The following OPRM1 variants were observed in gnomAD, a reference collection of about 807,000 sequenced individuals.
The protein encoded by OPRM1 is opioid receptor mu 1.
A neutral mutation model predicts 31.8 loss-of-function variants in OPRM1; 27 were observed. The ratio of observed to expected loss-of-function variants is 0.85; its 90% CI spans 0.63 to 1.17. The LOEUF (loss-of-function observed/expected upper bound fraction) is 1.17. Among genes scored for constraint, OPRM1 ranks in the 50% most tolerant of loss-of-function variants. The pLI is 0.00. For missense variants in OPRM1, 536 were observed against 511.1 expected (o/e 1.05, Z -0.47); for synonymous variants, 196 against 189.9 (o/e 1.03, Z -0.26).
intron 3 of OPRM1, among the ~76,000 whole-genome samples, chr6:154,218,786 C>G (rs1342188443): frequency 2.6e-5 from 4 of 152,050 alleles, no homozygotes; most frequent in Non-Finnish European, 5.9e-5. Flanking sequence ...GACCATTTAG[C>G]CGGATGGACA....
chr6:154,091,899 G>A lies in OPRM1; in HGVS notation c.1164+427G>A, dbSNP rs1017227710. 2.0e-5 allele frequency: 20 copies of A among 989,718 alleles called. No individual in the cohort carries two copies. The highest frequency in any genetic ancestry group is 2.2e-5 in the Non-Finnish European group (18 of 833,228). 61.3% of individuals were successfully genotyped at this position (989,718 alleles called of 1,614,324 possible). On this transcript the variant is annotated intron_variant, in intron 3 of 3. Transcript: ENST00000330432. ...CTGGTTCTGTGATTAAAGAGAGAGG[G>A]TGAGTGCCTTGCCCACTGTGGTCAT...
At chr6:154,219,613 A>G (rs1778691678) in intron 3 of OPRM1, among the ~76,000 whole-genome samples, 1 of 152,102 alleles carries the variant, frequency 6.6e-6, no homozygotes, top group Admixed American at 6.5e-5. Context: ...TTTGCTAACC[A>G]ACAGGATTTA....
chr6:154,086,403 T>A (rs188150554), intron 1 of OPRM1: 15 of 216,852 alleles, frequency 6.9e-5, no homozygotes, highest in Non-Finnish European at 1.2e-4. Flanking sequence ...GTTGAAAGAA[T>A]TTTTATAGAT....
At chr6:154,200,120 C>G (rs1776943190) in intron 3 of OPRM1, 21 of 1,285,630 alleles carry the variant, frequency 1.6e-5, no homozygotes, top group Middle Eastern at 2.4e-4. Flanking sequence ...TATTTTCAAT[C>G]ACGGTGTCCC....
At position 154,121,171 on chromosome 6, in the gene OPRM1, T is replaced by A. The variant is rs1332239715; in HGVS notation, c.*2450T>A. On this transcript the variant is annotated 3_prime_UTR_variant, in exon 4 of 4. Coordinates refer to ENST00000330432, the MANE Select transcript of OPRM1 (RefSeq NM_000914.5). Reference sequence around the variant, plus strand: ...TTCACCCTTGCCTAAGGATGAGATTTCTTCCCAGGTTGGTATCCCAGAAAT... The same window carrying A: ...TTCACCCTTGCCTAAGGATGAGATTACTTCCCAGGTTGGTATCCCAGAAAT... Among the ~76,000 whole-genome samples, 2 of 152,210 alleles carry A rather than the reference T, an allele frequency of 1.3e-5. No homozygotes were observed. The highest frequency in any genetic ancestry group is 6.5e-5 in the Admixed American group (1 of 15,282).
At chr6:154,057,788 T>C (rs1051335308) in intron 1 of OPRM1, among the ~76,000 whole-genome samples, 3 of 152,136 alleles carry the variant, frequency 2.0e-5, no homozygotes, top group Non-Finnish European at 4.4e-5. Flanking sequence ...CATTTGTTAC[T>C]CTCACTGTAA....
At chr6:154,154,759 C>T (rs1798644709) in intron 3 of OPRM1, 1 of 152,434 alleles carries the variant, frequency 6.6e-6, no homozygotes, top group African/African-American at 2.4e-5. Context: ...AAGTCAACCT[C>T]AAAAACATAA....
At chr6:154,199,957 T>C in intron 3 of OPRM1, 1 of 1,614,206 alleles carries the variant, frequency 6.2e-7, no homozygotes, top group African/African-American at 1.3e-5. Context: ...AACTGCTGGG[T>C]GTCTTCACTG....
At chr6:154,199,852 A>T (rs774869504) in intron 3 of OPRM1, 1 of 1,614,124 alleles carries the variant, frequency 6.2e-7, no homozygotes, top group African/African-American at 1.3e-5. Flanking sequence ...GAACTTGCAC[A>T]GCAAACGTTA....
At chr6:154,150,443 T>C (rs1798469742) in intron 3 of OPRM1, among the ~76,000 whole-genome samples, 1 of 152,188 alleles carries the variant, frequency 6.6e-6, no homozygotes, top group Non-Finnish European at 1.5e-5. Flanking sequence ...CCTTCCCCCA[T>C]TGGCTAATGC....
chr6:154,208,897 C>T lies in OPRM1; in HGVS notation c.1165-37796C>T, dbSNP rs1282824766. ...ATCTATTTGGAGCCTTTTCAGTAAG[C>T]CTGTTAAAAGCTGCCCACTTGCAAC... On this transcript the variant is annotated intron_variant, in intron 3 of 3. Transcript: ENST00000337049. Among the ~76,000 whole-genome samples the T allele has an allele frequency of 2.0e-5, 3 of 152,158 alleles. No individual in the cohort carries two copies. In the South Asian group the frequency reaches 6.2e-4, roughly 31 times the overall value.
intron 1 of OPRM1, among the ~76,000 whole-genome samples, chr6:154,072,031 C>CT (rs1231080885): frequency 2.6e-5 from 4 of 151,924 alleles, no homozygotes; most frequent in East Asian, 3.9e-4. Context: ...CTGTCAGGGA[C>CT]TTTTTTTTGG....
At chr6:154,243,905 C>T (rs564467494) in intron 3 of OPRM1, among the ~76,000 whole-genome samples, 1 of 152,266 alleles carries the variant, frequency 6.6e-6, no homozygotes. Context: ...TAAATGAGAG[C>T]ATATATGCAA....
At chr6:154,167,319 T>C (rs997813) in intron 3 of OPRM1, among the ~76,000 whole-genome samples, 23,145 of 152,188 alleles carry the variant, frequency 0.15, 2,043 homozygotes, top group East Asian at 0.41. Context: ...GTACTTCCTG[T>C]ACACTTTCCC....
Position 154,078,547 on chromosome 6 carries a change from G to T in OPRM1, c.291-11279G>T, listed in dbSNP as rs531621025. ...GATGAAAAAGGAAAATGTTTTTAAT[G>T]AATTCTGAAATCTTGGACTTAATTA... On this transcript the variant is annotated intron_variant, in intron 1 of 3. Transcript: ENST00000330432. Among the ~76,000 whole-genome samples, 19 of 152,258 alleles carry T rather than the reference G, an allele frequency of 1.2e-4. No individual in the cohort carries two copies. The South Asian group carries it at 3.5e-3, about 28-fold the overall frequency.
At chr6:154,202,237 C>T (rs1777128343) in intron 3 of OPRM1, among the ~76,000 whole-genome samples, 1 of 152,190 alleles carries the variant, frequency 6.6e-6, no homozygotes, top group African/African-American at 2.4e-5. Flanking sequence ...TAATCATATA[C>T]TGGCACGTAC....
intron 1 of OPRM1, among the ~76,000 whole-genome samples, chr6:154,022,314 A>G (rs370129478): frequency 7.2e-5 from 11 of 152,134 alleles, no homozygotes; most frequent in African/African-American, 2.7e-4. Flanking sequence ...TCCTCTGATG[A>G]ATCTCCTGTG....
chr6:154,065,938 ATTCT>A (rs1204578126), intron 1 of OPRM1, among the ~76,000 whole-genome samples: 2 of 152,044 alleles, frequency 1.3e-5, no homozygotes, highest in Non-Finnish European at 1.5e-5. Flanking sequence ...GTTATGGTTG[ATTCT>A]TTCTATTTTG....
intron 3 of OPRM1, among the ~76,000 whole-genome samples, chr6:154,117,061 C>T (rs1263256845): frequency 1.3e-5 from 2 of 152,128 alleles, no homozygotes; most frequent in African/African-American, 2.4e-5. Context: ...GGATTTTATC[C>T]CTCACCTTTC....
Sources: gnomAD v4.1 joint callset for allele counts (sites outside exome capture counted in the v4.1 genomes callset) on GRCh38, gnomAD v4.1.1 for gene constraint, MANE v1.5 for transcripts, NCBI Gene and HGNC (gene_info 2026-07-23, HGNC 2026-07-21) for gene names.